SENP6: variants seen among roughly 807,000 people sequenced by gnomAD.
The protein encoded by SENP6 is sentrin-specific protease 6.
SENP6 carries 41 observed loss-of-function variants against 134.5 expected under a neutral mutation model. That is an observed-to-expected ratio of 0.30 (90% CI 0.24 to 0.40). The LOEUF (loss-of-function observed/expected upper bound fraction) is 0.40, where lower values mean the gene tolerates loss of function less well. Among genes scored for constraint, SENP6 ranks in the 10% least tolerant of loss-of-function variants. SENP6 has a pLI of 1.00. For missense variants in SENP6, 1,248 were observed against 1,312.5 expected (o/e 0.95, Z 0.76); for synonymous variants, 395 against 429.8 (o/e 0.92, Z 1.00).
intron 7 of SENP6, among the ~76,000 whole-genome samples, chr6:75,650,442 TGCTG>T: frequency 6.6e-6 from 1 of 152,344 alleles, no homozygotes. Flanking sequence ...TGGTGGGTCT[TGCTG>T]GCATCAGTTA....
chr6:75,710,210 C>A (rs924142121), intron 20 of SENP6, among the ~76,000 whole-genome samples: 2 of 151,774 alleles, frequency 1.3e-5, no homozygotes, highest in Non-Finnish European at 2.9e-5. Flanking sequence ...CTGCCTGATT[C>A]GATTTATATG....
At chr6:75,674,605 C>G (rs920225144) in intron 11 of SENP6, among the ~76,000 whole-genome samples, 4 of 152,212 alleles carry the variant, frequency 2.6e-5, no homozygotes, top group Admixed American at 6.5e-5. Context: ...CCACCGTTCC[C>G]TGCCAGTACC....
chr6:75,675,710 ATTT>A (rs201073122), intron 12 of SENP6, 147 bp from the exon 13 acceptor site: 12 of 880,100 alleles, frequency 1.4e-5, no homozygotes, highest in Non-Finnish European at 2.1e-5. Context: ...AGTTATAAAG[ATTT>A]TTTTTATTAC....
chr6:75,635,823 AT>A, intron 5 of SENP6, among the ~76,000 whole-genome samples: 1 of 152,288 alleles, frequency 6.6e-6, no homozygotes, highest in Non-Finnish European at 1.5e-5. Flanking sequence ...GAGTAGACAC[AT>A]TCTTATGCCC....
At chr6:75,623,631 T>C (rs1016881196) in intron 2 of SENP6, among the ~76,000 whole-genome samples, 9 of 152,178 alleles carry the variant, frequency 5.9e-5, no homozygotes, top group Non-Finnish European at 1.3e-4. Flanking sequence ...TTCAACAAAC[T>C]ATGATCCATG....
intron 17 of SENP6, among the ~76,000 whole-genome samples, chr6:75,696,218 C>T (rs1198560917): frequency 6.6e-6 from 1 of 152,082 alleles, no homozygotes; most frequent in Non-Finnish European, 1.5e-5. Flanking sequence ...TAATATAATT[C>T]ATAATATTCT....
rs760039636 is a variant in SENP6, at chr6:75,709,555, T to C, written c.2745T>C (p.Tyr915=). The part of the protein sequence containing the change: ...TDGLSKIRLN[Y]SDESPEAGKM... ...GCTTAAGCAAAATCAGACTAAACTA[T>C]AGCGATGAATCACCTGAAGCTGGTA... Residue 915 remains tyrosine (Y), a synonymous_variant, in exon 20 of 24, where the codon TAT becomes TAC. Coordinates refer to ENST00000447266, the MANE Select transcript of SENP6 (RefSeq NM_015571.4). 9 of 1,613,954 alleles carry C rather than the reference T, an allele frequency of 5.6e-6. No individual in the cohort carries two copies. In the East Asian group the frequency reaches 2.0e-4, roughly 36 times the overall value.
intron 1 of SENP6, among the ~76,000 whole-genome samples, chr6:75,604,504 C>T (rs1465583388): frequency 6.6e-6 from 1 of 151,650 alleles, no homozygotes; most frequent in East Asian, 1.9e-4. Flanking sequence ...GGTTGGCGCG[C>T]GCCTGTAGTC....
chr6:75,691,270 G>A (rs1430487055), intron 16 of SENP6, among the ~76,000 whole-genome samples: 1 of 151,790 alleles, frequency 6.6e-6, no homozygotes, highest in Non-Finnish European at 1.5e-5. Flanking sequence ...AGCCTCTCAA[G>A]TAGCTGGGAC....
intron 19 of SENP6, among the ~76,000 whole-genome samples, chr6:75,706,670 GTTTT>G (rs1228584228): frequency 2.7e-5 from 4 of 150,830 alleles, no homozygotes; most frequent in African/African-American, 9.7e-5. Context: ...GTACATTTTT[GTTTT>G]GTTTTTAGTA....
rs148462844 is a variant in SENP6 at position 75,636,323 on chromosome 6, C to T, written c.458+1512C>T. ...AAGTCAGCAGGACAGATTCTACTTA[C>T]ATTTGTCTTTTATTTATTCTGTATA... On this transcript the variant is annotated intron_variant, in intron 5 of 23. Coordinates refer to ENST00000447266, the MANE Select transcript of SENP6 (RefSeq NM_015571.4). 6.7e-3 allele frequency among the ~76,000 whole-genome samples: 1,016 copies of T among 152,232 alleles called. 11 individuals carry two copies. The highest frequency in any genetic ancestry group is 0.024 in the African/African-American group (983 of 41,560).
At chr6:75,611,850 A>G (rs1267086707) in intron 1 of SENP6, 2 of 152,232 alleles carry the variant, frequency 1.3e-5, no homozygotes, top group Admixed American at 6.5e-5. Context: ...TGAACTGACT[A>G]TGCTATCATC....
chr6:75,610,984 AAG>A (rs1482601584), intron 1 of SENP6: 1 of 152,236 alleles, frequency 6.6e-6, no homozygotes, highest in Non-Finnish European at 1.5e-5. Flanking sequence ...ATTTTTAATA[AAG>A]AGTGGACGAC....
Position 75,677,267 on chromosome 6 carries a change from T to TTA in SENP6, c.1848+12_1848+13insAT, listed in dbSNP as rs1317898474. On this transcript the variant is annotated intron_variant, in intron 14 of 23. Coordinates refer to ENST00000447266, the MANE Select transcript of SENP6 (RefSeq NM_015571.4). ...AACAAAATTAAAACTGTAATTATGT[T>TTA]TTTTAATTTAAAAATATTCTTAAAT... The TTA allele has an allele frequency of 2.7e-6, 4 of 1,502,760 alleles. No individual in the cohort carries two copies. The highest frequency in any genetic ancestry group is 3.6e-6 in the Non-Finnish European group (4 of 1,109,952). 93.1% of individuals were successfully genotyped at this position (1,502,760 alleles called of 1,614,324 possible).
chr6:75,643,142 A>G (rs752737601), intron 6 of SENP6, among the ~76,000 whole-genome samples: 17 of 152,230 alleles, frequency 1.1e-4, no homozygotes, highest in Non-Finnish European at 2.5e-4. Context: ...ACAGTGTTGT[A>G]TAAAAATAGG....
rs949761406 is a variant in SENP6, at chr6:75,717,142, T to G, written c.*1548T>G. The G allele has an allele frequency of 2.0e-5, 3 of 152,058 alleles. No individual in the cohort carries two copies. The highest frequency in any genetic ancestry group is 4.4e-5 in the Non-Finnish European group (3 of 67,894). 9.4% of individuals were successfully genotyped at this position (152,058 alleles called of 1,614,324 possible). On this transcript the variant is annotated 3_prime_UTR_variant, in exon 24 of 24. Transcript: ENST00000447266. The stretch of plus-strand genomic sequence containing the variant: ...GCTCAGATATCTTAATTAGCTCATA[T>G]GAAAAACAAGTTTAATTTTATTATT...
chr6:75,689,001 G>A (rs1330306938), intron 16 of SENP6, among the ~76,000 whole-genome samples: 1 of 152,214 alleles, frequency 6.6e-6, no homozygotes, highest in African/African-American at 2.4e-5. Flanking sequence ...AGGAGGTGGA[G>A]GTTGCGGGGA....
chr6:75,676,121 G>A (rs1166488288), intron 13 of SENP6, 67 bp downstream of exon 13: 1 of 1,113,666 alleles, frequency 9.0e-7, no homozygotes, highest in Non-Finnish European at 1.2e-6. Flanking sequence ...CTGTTAAATA[G>A]CAAAATGTGA....
chr6:75,708,070 C>A (rs12208368), intron 19 of SENP6, among the ~76,000 whole-genome samples: 14,523 of 152,028 alleles, frequency 0.096, 724 homozygotes, highest in Non-Finnish European at 0.11. Flanking sequence ...TTTCTCTTCT[C>A]CTTTTTTGAG....
Sources: allele counts gnomAD v4.1 joint callset (sites outside exome capture counted in the v4.1 genomes callset), GRCh38; gene constraint gnomAD v4.1.1; transcripts MANE v1.5; gene names NCBI Gene and HGNC (gene_info 2026-07-23, HGNC 2026-07-21).